The following XIRP2 variants were observed in gnomAD, a reference collection of about 807,000 sequenced individuals.
XIRP2 encodes xin actin binding repeat containing 2.
Under a neutral mutation model 277.0 loss-of-function variants are expected in XIRP2, and 236 were observed. The observed-to-expected ratio is 0.85, with a 90% CI of 0.77 to 0.95. XIRP2 has a LOEUF of 0.95. Among genes scored for constraint, XIRP2 ranks in the 40% least tolerant of loss-of-function variants. XIRP2 has a pLI of 0.00. For synonymous variants in XIRP2, 1,490 were observed against 1,416.5 expected, an observed-to-expected ratio of 1.05 and a Z score of -1.17; for missense variants, 4,640 against 4,157.5, an observed-to-expected ratio of 1.12 and a Z score of -3.19.
Position 167,254,044 on chromosome 2 carries a change from C to T in XIRP2, c.10568C>T (p.Pro3523Leu), listed in dbSNP as rs1695590662. Residue 3523 changes from proline to leucine, a missense_variant, in exon 10 of 11, where the codon CCA (proline) becomes CTA (leucine). By Grantham distance (98) the Pro-to-Leu change is moderately conservative (BLOSUM62 -3). Transcript: ENST00000409195. ...ESAFISEAAA[P>L]RQGNMYTLSK... ...TTTTTATTTTTAGAAGCTGCTGCTC[C>T]AAGACAAGGAAATATGTATACTTTG... 2 of 1,591,290 alleles carry T rather than the reference C, an allele frequency of 1.3e-6. No homozygotes were observed. Among genetic ancestry groups the T allele is most frequent in the Non-Finnish European group, 1.7e-6 (2 of 1,169,092 alleles).
chr2:167,145,366 C>A (rs1011743738), intron 3 of XIRP2, among the ~76,000 whole-genome samples: 2 of 151,796 alleles, frequency 1.3e-5, no homozygotes, highest in South Asian at 2.1e-4. Flanking sequence ...GTGCAATTAG[C>A]AGAATTGAAA....
Position 167,257,938 on chromosome 2 carries a change from TG to T in XIRP2, c.*122del. The T allele has an allele frequency of 6.2e-7, 1 of 1,612,732 alleles. No homozygotes were observed. Among genetic ancestry groups the T allele is most frequent in the Non-Finnish European group, 8.5e-7 (1 of 1,179,334 alleles). Reference sequence around the variant, plus strand: ...AACTTTTCAAATCCAAAGGAAATTATGATGAAGGTTTTGGACATAAGCAGCA... The same window carrying T: ...AACTTTTCAAATCCAAAGGAAATTATATGAAGGTTTTGGACATAAGCAGCA... On this transcript the variant is annotated 3_prime_UTR_variant, in exon 11 of 11. Transcript: ENST00000409195.
intron 3 of XIRP2, among the ~76,000 whole-genome samples, chr2:167,142,736 C>T (rs1691756409): frequency 6.6e-6 from 1 of 151,998 alleles, no homozygotes; most frequent in Non-Finnish European, 1.5e-5. Flanking sequence ...TGTCAATGCT[C>T]CAAAATAAAG....
intron 2 of XIRP2, among the ~76,000 whole-genome samples, chr2:166,951,412 G>A (rs549355112): frequency 5.3e-4 from 80 of 151,932 alleles, no homozygotes; most frequent in African/African-American, 1.9e-3. Flanking sequence ...GATAAAGGGA[G>A]AGAGAGAGTT....
At chr2:167,025,746 T>G (rs1010189200) in intron 2 of XIRP2, among the ~76,000 whole-genome samples, 1 of 152,164 alleles carries the variant, frequency 6.6e-6, no homozygotes, top group Non-Finnish European at 1.5e-5. Flanking sequence ...TTGTTCAGTT[T>G]CCATGTAGTT....
chr2:167,039,888 T>C (rs775898363), intron 2 of XIRP2, among the ~76,000 whole-genome samples: 1 of 152,190 alleles, frequency 6.6e-6, no homozygotes, highest in Non-Finnish European at 1.5e-5. Flanking sequence ...TAATTTTACA[T>C]ATAGGTAAAT....
chr2:166,947,707 C>A (rs2105391471), intron 2 of XIRP2, among the ~76,000 whole-genome samples: 1 of 152,194 alleles, frequency 6.6e-6, no homozygotes, highest in Admixed American at 6.5e-5. Context: ...TGGTTTCTTA[C>A]AAAACTAAAC....
chr2:166,905,262 C>G (rs939976493), intron 2 of XIRP2, among the ~76,000 whole-genome samples: 3 of 151,916 alleles, frequency 2.0e-5, no homozygotes, highest in African/African-American at 4.8e-5. Flanking sequence ...AATTTCCATT[C>G]AATCCCTCTT....
chr2:167,000,586 C>T (rs1181740207), intron 2 of XIRP2, among the ~76,000 whole-genome samples: 1 of 149,498 alleles, frequency 6.7e-6, no homozygotes, highest in East Asian at 2.0e-4. Flanking sequence ...AAACATGTTT[C>T]TTTTGTTATG....
intron 2 of XIRP2, among the ~76,000 whole-genome samples, chr2:167,083,455 T>A (rs1281148114): frequency 2.6e-5 from 4 of 152,160 alleles, no homozygotes; most frequent in South Asian, 2.1e-4. Flanking sequence ...ATGAACATTA[T>A]AGTAGTTTTT....
intron 3 of XIRP2, among the ~76,000 whole-genome samples, chr2:167,192,089 G>T (rs1467113880): frequency 2.0e-5 from 3 of 152,106 alleles, no homozygotes; most frequent in Middle Eastern, 3.4e-3. Flanking sequence ...TGGCAATATA[G>T]TTTCAAAACA....
chr2:166,890,666 G>A (rs1009857473), intron 1 of XIRP2, among the ~76,000 whole-genome samples: 1 of 152,120 alleles, frequency 6.6e-6, no homozygotes, highest in African/African-American at 2.4e-5. Flanking sequence ...GATGTATTCT[G>A]TATGTGGGTG....
intron 2 of XIRP2, among the ~76,000 whole-genome samples, chr2:167,075,917 C>T (rs903141869): frequency 1.3e-5 from 2 of 151,670 alleles, no homozygotes; most frequent in African/African-American, 4.8e-5. Context: ...CTCAAGTGAT[C>T]CGCTCGCCTC....
At chr2:167,065,312 G>A (rs369252616) in intron 2 of XIRP2, among the ~76,000 whole-genome samples, 1 of 151,710 alleles carries the variant, frequency 6.6e-6, no homozygotes, top group Non-Finnish European at 1.5e-5. Context: ...TTAAAGAAAC[G>A]TCTATTCAAC....
At chr2:166,916,458 A>C (rs374506667) in intron 2 of XIRP2, among the ~76,000 whole-genome samples, 8 of 152,320 alleles carry the variant, frequency 5.3e-5, no homozygotes, top group African/African-American at 1.9e-4. Context: ...ACAGGACAGA[A>C]GTTATTAGAA....
rs761442144 is a variant in XIRP2 at position 167,246,116 on chromosome 2, A to G, written c.4724A>G (p.Asp1575Gly). Residue 1575 changes from aspartate (D) to glycine (G), a missense_variant, in exon 9 of 11, where the codon GAT becomes GGT. Coordinates refer to ENST00000409195, the MANE Select transcript of XIRP2 (RefSeq NM_152381.6). ...IQAPGIIIEA[D>G]EIGDVRMAKY... is the part of the protein sequence containing the mutation. ...GCTCCTGGAATCATCATTGAAGCTGATGAAATAGGGGATGTTCGAATGGCA... is the reference window on the plus strand; with the variant it reads ...GCTCCTGGAATCATCATTGAAGCTGGTGAAATAGGGGATGTTCGAATGGCA... 1 of 1,613,588 alleles carries G rather than the reference A, an allele frequency of 6.2e-7. No individual in the cohort carries two copies. The highest frequency in any genetic ancestry group is 8.5e-7 in the Non-Finnish European group (1 of 1,179,756).
At chr2:167,130,414 C>T (rs1178461212) in intron 2 of XIRP2, among the ~76,000 whole-genome samples, 1 of 152,144 alleles carries the variant, frequency 6.6e-6, no homozygotes, top group Non-Finnish European at 1.5e-5. Context: ...CCATCATGGC[C>T]TCTGAGTTCC....
chr2:167,206,679 G>A (rs757236680), intron 3 of XIRP2, among the ~76,000 whole-genome samples: 9 of 152,162 alleles, frequency 5.9e-5, no homozygotes, highest in Non-Finnish European at 1.3e-4. Flanking sequence ...GAAAAGAAAT[G>A]AGATGACTCA....
intron 2 of XIRP2, among the ~76,000 whole-genome samples, chr2:167,036,914 T>G (rs527442413): frequency 6.6e-6 from 1 of 152,252 alleles, no homozygotes; most frequent in African/African-American, 2.4e-5. Flanking sequence ...GGTTTCCACT[T>G]TTGCTTCTTC....
Sources: gnomAD v4.1 joint callset for allele counts (sites outside exome capture counted in the v4.1 genomes callset) on GRCh38, gnomAD v4.1.1 for gene constraint, MANE v1.5 for transcripts, NCBI Gene and HGNC (gene_info 2026-07-23, HGNC 2026-07-21) for gene names.